FARS2: variants seen among roughly 807,000 people sequenced by gnomAD.
The protein encoded by FARS2 is phenylalanyl-tRNA synthetase 2, mitochondrial, also known as phenylalanine--tRNA ligase, mitochondrial.
In FARS2, 40 loss-of-function variants were observed where a neutral mutation model predicts 46.4. That is an observed-to-expected ratio of 0.86 (90% CI 0.67 to 1.12). The LOEUF (loss-of-function observed/expected upper bound fraction) is 1.12, where lower values mean the gene tolerates loss of function less well. Among genes scored for constraint, FARS2 ranks in the 50% most tolerant of loss-of-function variants. FARS2 has a pLI of 0.00. For synonymous variants in FARS2, 234 were observed against 214.9 expected (o/e 1.09, Z -0.78); for missense variants, 513 against 567.9 (o/e 0.90, Z 0.98).
At position 5,765,449 on chromosome 6, in the gene FARS2, C is replaced by A. The variant is rs1762702401; in HGVS notation, c.1218-5842C>A. On this transcript the variant is annotated intron_variant, in intron 6 of 6. Coordinates refer to ENST00000274680, the MANE Select transcript of FARS2 (RefSeq NM_006567.5). The surrounding 1 kb of genome is among the most constrained non-coding windows in gnomAD (Gnocchi z 4.0). ...GCATGTACTATGGCATCGCTCATCA[C>A]CTGCCAATGGCAGGGAGCGTGGGCT... Among the ~76,000 whole-genome samples, 1 of 152,230 alleles carries A rather than the reference C, an allele frequency of 6.6e-6. No individual in the cohort carries two copies. The highest frequency in any genetic ancestry group is 2.1e-4 in the South Asian group (1 of 4,834).
chr6:5,281,111 T>G (rs1391899533), intron 1 of FARS2, among the ~76,000 whole-genome samples: 3 of 152,236 alleles, frequency 2.0e-5, no homozygotes, highest in Non-Finnish European at 4.4e-5. Flanking sequence ...TCAGCAAGTA[T>G]TTATGCAACT....
At chr6:5,558,263 G>A (rs116163565) in intron 5 of FARS2, among the ~76,000 whole-genome samples, 1,663 of 152,188 alleles carry the variant, frequency 0.011, 33 homozygotes, top group African/African-American at 0.037. Flanking sequence ...GGAGCACATG[G>A]GCACACCTGA....
At chr6:5,689,537 A>G (rs976141546) in intron 6 of FARS2, among the ~76,000 whole-genome samples, 1 of 152,026 alleles carries the variant, frequency 6.6e-6, no homozygotes, top group Non-Finnish European at 1.5e-5. Context: ...CCTGAGTTCT[A>G]GTTTGATTGC....
intron 1 of FARS2, among the ~76,000 whole-genome samples, chr6:5,321,385 G>A (rs1269310816): frequency 1.3e-5 from 2 of 152,166 alleles, no homozygotes; most frequent in Non-Finnish European, 2.9e-5. Flanking sequence ...TAGAAGGATG[G>A]GTGGGGCTTC....
intron 4 of FARS2, among the ~76,000 whole-genome samples, chr6:5,434,110 ATTAAT>A (rs1763384828): frequency 6.6e-6 from 1 of 152,060 alleles, no homozygotes; most frequent in South Asian, 2.1e-4. Context: ...AAATGAATTA[ATTAAT>A]TAATTAATTT....
chr6:5,635,702 G>A lies in FARS2; in HGVS notation c.1217+22382G>A, dbSNP rs370774672. On this transcript the variant is annotated intron_variant, in intron 6 of 6. Coordinates refer to ENST00000274680, the MANE Select transcript of FARS2 (RefSeq NM_006567.5). ...TGTGCAGGGTGGCGTTGGATGAGAC[G>A]TGCAGCCTGGCCAGGCCTCATGTCG... Among the ~76,000 whole-genome samples the A allele has an allele frequency of 1.1e-3, 171 of 152,252 alleles. 1 individual carries two copies. In the South Asian group the frequency reaches 0.02, roughly 18 times the overall value.
intron 2 of FARS2, among the ~76,000 whole-genome samples, chr6:5,404,216 C>T (rs1252977890): frequency 2.0e-5 from 3 of 152,260 alleles, no homozygotes; most frequent in South Asian, 4.1e-4. Context: ...AATATGAAAG[C>T]GATTCACTAG....
At chr6:5,426,981 A>C (rs1249364925) in intron 3 of FARS2, among the ~76,000 whole-genome samples, 1 of 152,206 alleles carries the variant, frequency 6.6e-6, no homozygotes, top group Non-Finnish European at 1.5e-5. Flanking sequence ...GTATATTGGG[A>C]AAAAGTTCAC....
At chr6:5,412,876 GTA>G (rs762789032) in intron 3 of FARS2, among the ~76,000 whole-genome samples, 12,115 of 152,214 alleles carry the variant, frequency 0.08, 553 homozygotes, top group East Asian at 0.11. Flanking sequence ...TGACTTGTCT[GTA>G]CTCGCCTCGC....
At chr6:5,325,738 T>G (rs1177924071) in intron 1 of FARS2, among the ~76,000 whole-genome samples, 1 of 152,190 alleles carries the variant, frequency 6.6e-6, no homozygotes, top group Non-Finnish European at 1.5e-5. Flanking sequence ...TTATTAAGTT[T>G]CATAAGGAAG....
At chr6:5,723,590 T>C (rs920504026) in intron 6 of FARS2, among the ~76,000 whole-genome samples, 3 of 152,240 alleles carry the variant, frequency 2.0e-5, no homozygotes, top group Non-Finnish European at 4.4e-5. Flanking sequence ...TTCTCTCTCC[T>C]GTATACACTG....
chr6:5,437,786 T>A (rs777506880), intron 4 of FARS2, among the ~76,000 whole-genome samples: 32 of 152,158 alleles, frequency 2.1e-4, no homozygotes, highest in Non-Finnish European at 4.4e-4. Flanking sequence ...ATGCATTTTT[T>A]AAAAAATTAA....
chr6:5,694,841 T>TGCAAAAAA (rs1757993387), intron 6 of FARS2: 1 of 41,750 alleles, frequency 2.4e-5, no homozygotes, highest in African/African-American at 8.7e-5. Flanking sequence ...CCCACACCTC[T>TGCAAAAAA]ACAAAAAAAA....
At chr6:5,408,075 GT>G (rs10717871) in intron 3 of FARS2, among the ~76,000 whole-genome samples, 107,191 of 152,062 alleles carry the variant, frequency 0.7, 39,312 homozygotes, top group African/African-American at 0.91. Context: ...ATGATTTGCT[GT>G]TTGGTGAGGT....
intron 1 of FARS2, among the ~76,000 whole-genome samples, chr6:5,308,924 T>C (rs894405513): frequency 6.6e-6 from 1 of 152,178 alleles, no homozygotes; most frequent in African/African-American, 2.4e-5. Context: ...CCTGTATCAT[T>C]ATAGAAGAGG....
chr6:5,432,401 T>TATGTATTATATATAATATATA (rs1763258591), intron 4 of FARS2, among the ~76,000 whole-genome samples: 1 of 122,656 alleles, frequency 8.2e-6, no homozygotes, highest in Admixed American at 9.9e-5. Context: ...TTATATATAT[T>TATGTATTATATATAATATATA]ATGTATTATA....
chr6:5,632,058 T>G (rs57515230), intron 6 of FARS2, among the ~76,000 whole-genome samples: 9,948 of 152,292 alleles, frequency 0.065, 1,057 homozygotes, highest in African/African-American at 0.22. Flanking sequence ...AATTTCAAAC[T>G]TTGTATTTGT....
intron 5 of FARS2, among the ~76,000 whole-genome samples, chr6:5,567,343 AT>A (rs1226508551): frequency 6.6e-6 from 1 of 152,144 alleles, no homozygotes; most frequent in Admixed American, 6.6e-5. Context: ...TACTTTGCGC[AT>A]TTTTTAATTG....
intron 6 of FARS2, among the ~76,000 whole-genome samples, chr6:5,666,135 C>G (rs1778106477): frequency 6.6e-6 from 1 of 152,238 alleles, no homozygotes; most frequent in African/African-American, 2.4e-5. Context: ...CAACTAAACC[C>G]AAAATACTGG....
Sources: allele counts gnomAD v4.1 joint callset (sites outside exome capture counted in the v4.1 genomes callset), GRCh38; gene constraint gnomAD v4.1.1; non-coding constraint Gnocchi (gnomAD v3.1); transcripts MANE v1.5; gene names NCBI Gene and HGNC (gene_info 2026-07-23, HGNC 2026-07-21).